The following ABCA10 variants were observed in gnomAD, a reference collection of about 807,000 sequenced individuals.
ABCA10 encodes ATP binding cassette subfamily A member 10, also known as ATP-binding cassette sub-family A member 10.
Under a neutral mutation model 187.5 loss-of-function variants are expected in ABCA10, and 169 were observed. The ratio of observed to expected loss-of-function variants is 0.90; its 90% confidence interval spans 0.80 to 1.02. The LOEUF (loss-of-function observed/expected upper bound fraction) is 1.02, where lower values mean the gene tolerates loss of function less well. Ranked by LOEUF, ABCA10 falls within the 50% of genes least tolerant of loss-of-function variation. ABCA10 has a pLI of 0.00. For missense variants in ABCA10, 1,727 were observed against 1,812.4 expected (o/e 0.95, Z 0.86); for synonymous variants, 574 against 601.8 (o/e 0.95, Z 0.68).
intron 1 of ABCA10, among the ~76,000 whole-genome samples, chr17:69,235,710 C>T (rs529192048): frequency 1.3e-5 from 2 of 151,988 alleles, no homozygotes; most frequent in South Asian, 4.2e-4. Context: ...CCACCCACAC[C>T]TTGCATTGTG....
intron 27 of ABCA10, among the ~76,000 whole-genome samples, chr17:69,159,377 T>C (rs796262412): frequency 6.6e-6 from 1 of 150,760 alleles, no homozygotes; most frequent in Non-Finnish European, 1.5e-5. Flanking sequence ...GAACAGAAAA[T>C]TTTTTTTAAG....
chr17:69,158,001 G>A (rs942389605), intron 27 of ABCA10, among the ~76,000 whole-genome samples: 1 of 151,790 alleles, frequency 6.6e-6, no homozygotes, highest in Non-Finnish European at 1.5e-5. Flanking sequence ...ATTCTTAACA[G>A]AGGCTCACAG....
At chr17:69,206,019 T>C (rs957837219) in intron 9 of ABCA10, among the ~76,000 whole-genome samples, 5 of 152,172 alleles carry the variant, frequency 3.3e-5, no homozygotes, top group African/African-American at 9.7e-5. Context: ...AGAATTACCA[T>C]AAGTCTGGAG....
At chr17:69,178,534 G>T (rs1019650303) in intron 22 of ABCA10, among the ~76,000 whole-genome samples, 1 of 152,150 alleles carries the variant, frequency 6.6e-6, no homozygotes, top group East Asian at 1.9e-4. Context: ...TGATACTAGT[G>T]TATGTTAAAG....
chr17:69,157,666 C>A (rs2074184605), intron 27 of ABCA10, among the ~76,000 whole-genome samples: 1 of 152,092 alleles, frequency 6.6e-6, no homozygotes. Flanking sequence ...ATCCCAGAAA[C>A]AGACTCTACA....
chr17:69,189,179 AC>A (rs1378562142), intron 18 of ABCA10, among the ~76,000 whole-genome samples: 1 of 151,760 alleles, frequency 6.6e-6, no homozygotes, highest in Non-Finnish European at 1.5e-5. Context: ...TTTCTCCACA[AC>A]CTCATCAGCA....
chr17:69,176,907 G>C (rs2074339104), intron 22 of ABCA10, among the ~76,000 whole-genome samples: 1 of 152,028 alleles, frequency 6.6e-6, no homozygotes, highest in Non-Finnish European at 1.5e-5. Context: ...AAGCAGTTTG[G>C]GTCCAACTAA....
At chr17:69,151,051 C>A (rs1462206387) in intron 36 of ABCA10, among the ~76,000 whole-genome samples, 1 of 152,152 alleles carries the variant, frequency 6.6e-6, no homozygotes, top group Non-Finnish European at 1.5e-5. Flanking sequence ...AAAAAAATCC[C>A]CCACTTTGTT....
intron 9 of ABCA10, among the ~76,000 whole-genome samples, chr17:69,203,067 A>T (rs1274336517): frequency 6.6e-6 from 1 of 152,244 alleles, no homozygotes; most frequent in Non-Finnish European, 1.5e-5. Flanking sequence ...GATGTATGAA[A>T]GCAAAAGATG....
At chr17:69,190,234 A>G (rs2074449758) in intron 18 of ABCA10, 124 bp downstream of exon 18, 1 of 1,094,814 alleles carries the variant, frequency 9.1e-7, no homozygotes, top group African/African-American at 1.6e-5. Flanking sequence ...GGACAATGCT[A>G]TTTTCTATCT....
At chr17:69,168,297 C>T (rs1214222641) in intron 25 of ABCA10, among the ~76,000 whole-genome samples, 1 of 152,060 alleles carries the variant, frequency 6.6e-6, no homozygotes, top group African/African-American at 2.4e-5. Flanking sequence ...GGGTTGGTGC[C>T]TCTTACTCCG....
intron 6 of ABCA10, among the ~76,000 whole-genome samples, chr17:69,216,608 G>A (rs2074707614): frequency 6.6e-6 from 1 of 152,238 alleles, no homozygotes; most frequent in South Asian, 2.1e-4. Context: ...TTTTGAAGAT[G>A]TTAGTTTAGC....
At chr17:69,196,877 G>A (rs1267282904) in intron 11 of ABCA10, among the ~76,000 whole-genome samples, 187 bp downstream of exon 11, 1 of 152,150 alleles carries the variant, frequency 6.6e-6, no homozygotes, top group African/African-American at 2.4e-5. Context: ...GTCAGGCGTG[G>A]CAGCACGCGC....
At chr17:69,231,879 A>G (rs1205102101), upstream of ABCA10, among the ~76,000 whole-genome samples, 2 of 152,058 alleles carry the variant, frequency 1.3e-5, no homozygotes, top group Non-Finnish European at 2.9e-5. Flanking sequence ...TTATTGCAGT[A>G]TATTTGTCCT....
chr17:69,158,792 A>C (rs1479745502), intron 27 of ABCA10, among the ~76,000 whole-genome samples: 1 of 152,042 alleles, frequency 6.6e-6, no homozygotes. Context: ...AAAATATATA[A>C]AGCTACCATA....
At chr17:69,183,348 TCATAGA>T (rs1344227893) in intron 20 of ABCA10, among the ~76,000 whole-genome samples, 1 of 152,106 alleles carries the variant, frequency 6.6e-6, no homozygotes, top group Non-Finnish European at 1.5e-5. Context: ...TTGATTTCCA[TCATAGA>T]TGGAAAGGAA....
chr17:69,205,268 C>T (rs933404625), intron 9 of ABCA10, among the ~76,000 whole-genome samples: 9 of 152,178 alleles, frequency 5.9e-5, no homozygotes, highest in African/African-American at 2.2e-4. Flanking sequence ...TCTTGCCTTA[C>T]TTCATCAAAT....
chr17:69,208,957 G>A (rs2074614293), intron 9 of ABCA10, among the ~76,000 whole-genome samples: 1 of 152,102 alleles, frequency 6.6e-6, no homozygotes, highest in African/African-American at 2.4e-5. Flanking sequence ...TGGGAGGATA[G>A]CTTGAACCTA....
At chr17:69,212,451 G>A (rs1278385034) in intron 9 of ABCA10, among the ~76,000 whole-genome samples, 1 of 152,102 alleles carries the variant, frequency 6.6e-6, no homozygotes, top group Non-Finnish European at 1.5e-5. Context: ...TGCAGTTGTT[G>A]GGTAGAATAT....
Sources: gnomAD v4.1 joint callset for allele counts (sites outside exome capture counted in the v4.1 genomes callset) on GRCh38, gnomAD v4.1.1 for gene constraint, MANE v1.5 for transcripts, NCBI Gene and HGNC (gene_info 2026-07-23, HGNC 2026-07-21) for gene names.